FGFR2: variants seen among roughly 807,000 people sequenced by gnomAD.
FGFR2 encodes the protein BEK fibroblast growth factor receptor.
In FGFR2, 19 loss-of-function variants were observed where a neutral mutation model predicts 95.9. The ratio of observed to expected loss-of-function variants is 0.20; its 90% CI spans 0.14 to 0.29. The LOEUF (loss-of-function observed/expected upper bound fraction) is 0.29. Ranked by LOEUF, FGFR2 falls within the 10% of genes least tolerant of loss-of-function variation. The probability of loss-of-function intolerance (pLI) is 1.00; values close to 1 mark genes in which losing one functional copy is unlikely to be tolerated. For missense variants in FGFR2, 707 were observed against 1,056.9 expected, an observed-to-expected ratio of 0.67 and a Z score of 4.59; for synonymous variants, 392 against 393.3, an observed-to-expected ratio of 1.00 and a Z score of 0.04.
At chr10:121,572,140 C>T (rs1336859609) in intron 2 of FGFR2, among the ~76,000 whole-genome samples, 1 of 129,048 alleles carries the variant, frequency 7.7e-6, no homozygotes, top group Non-Finnish European at 1.6e-5. Context: ...ATAGTAAGAT[C>T]CTCTCTCCAC....
At chr10:121,516,148 T>C (rs2912761) in intron 8 of FGFR2, among the ~76,000 whole-genome samples, 136,739 of 152,150 alleles carry the variant, frequency 0.9, 63,245 homozygotes, top group East Asian at 1. Context: ...CGATGATCCA[T>C]CTACAAGCAG....
chr10:121,552,310 C>T lies in FGFR2; in HGVS notation c.455-851G>A, dbSNP rs1052780000. On this transcript the variant is annotated intron_variant, in intron 4 of 17. Transcript: ENST00000358487. ...TCAAGCCAGAATACCACTGTAAATT[C>T]TTCATGTCTGCTAATAATGGCGAAT... Among the ~76,000 whole-genome samples, 4 of 152,196 alleles carry T rather than the reference C, an allele frequency of 2.6e-5. No individual in the cohort carries two copies. The East Asian group carries it at 7.7e-4, about 29-fold the overall frequency.
At chr10:121,538,523 C>T in intron 6 of FGFR2, 69 bp downstream of exon 6, 1 of 1,609,238 alleles carries the variant, frequency 6.2e-7, no homozygotes, top group Non-Finnish European at 8.5e-7. Context: ...ACTTAACGTT[C>T]ATGCTTTCAA....
At chr10:121,507,722 C>T (rs186820303) in intron 9 of FGFR2, among the ~76,000 whole-genome samples, 51 of 152,324 alleles carry the variant, frequency 3.3e-4, no homozygotes, top group African/African-American at 1.2e-3. Context: ...CTGCTACCAA[C>T]ACTGCAATAT....
chr10:121,586,225 AC>A (rs1861813400), intron 2 of FGFR2, among the ~76,000 whole-genome samples: 1 of 152,244 alleles, frequency 6.6e-6, no homozygotes, highest in African/African-American at 2.4e-5. Context: ...GAGTTTATTA[AC>A]GTTAGAGCTC....
intron 9 of FGFR2, among the ~76,000 whole-genome samples, chr10:121,504,847 A>G (rs2114680): frequency 0.85 from 129,802 of 152,114 alleles, 57,597 homozygotes; most frequent in East Asian, 0.98. Context: ...AAAGACTCAC[A>G]CAGAGCACAC....
At chr10:121,482,031 G>A in intron 17 of FGFR2, 1 of 646,246 alleles carries the variant, frequency 1.5e-6, no homozygotes, top group Admixed American at 2.3e-5. Flanking sequence ...TAGAGACAGG[G>A]TTTCACCATG....
intron 5 of FGFR2, among the ~76,000 whole-genome samples, chr10:121,541,604 C>G (rs1036375513): frequency 2.0e-5 from 3 of 152,176 alleles, no homozygotes; most frequent in African/African-American, 7.2e-5. Flanking sequence ...AATGCACATA[C>G]ACCGTCTTTG....
intron 13 of FGFR2, among the ~76,000 whole-genome samples, chr10:121,490,150 CCTTCTTT>C (rs1452048777): frequency 7.5e-6 from 1 of 134,076 alleles, no homozygotes; most frequent in Non-Finnish European, 1.6e-5. Flanking sequence ...TACGACTTTT[CCTTCTTT>C]TTTTTTTTTT....
chr10:121,547,225 AAAAAAT>A (rs1220412540), intron 5 of FGFR2, among the ~76,000 whole-genome samples: 1 of 152,162 alleles, frequency 6.6e-6, no homozygotes, highest in African/African-American at 2.4e-5. Context: ...ACTCAGTCTC[AAAAAAT>A]AAAAATAAAA....
chr10:121,483,469 G>A (rs761507735), intron 17 of FGFR2, among the ~76,000 whole-genome samples: 6 of 152,302 alleles, frequency 3.9e-5, no homozygotes, highest in South Asian at 4.1e-4. Flanking sequence ...AGGCAGCCTC[G>A]GGGATGTCCC....
intron 2 of FGFR2, among the ~76,000 whole-genome samples, chr10:121,586,248 C>T (rs1417849243): frequency 1.3e-5 from 2 of 152,128 alleles, no homozygotes; most frequent in Non-Finnish European, 2.9e-5. Context: ...GAATTGAGTC[C>T]TCTCCAAGAA....
intron 2 of FGFR2, among the ~76,000 whole-genome samples, chr10:121,577,345 C>T (rs1860065890): frequency 6.6e-6 from 1 of 150,808 alleles, no homozygotes; most frequent in South Asian, 2.1e-4. Flanking sequence ...GGCACTTACA[C>T]ATCTGCCATC....
At chr10:121,581,691 G>T (rs1732870188) in intron 2 of FGFR2, among the ~76,000 whole-genome samples, 1 of 149,258 alleles carries the variant, frequency 6.7e-6, no homozygotes, top group African/African-American at 2.5e-5. Context: ...GGTCCAGGAT[G>T]CAATGAGCTG....
intron 2 of FGFR2, among the ~76,000 whole-genome samples, chr10:121,593,212 A>G (rs967469438): frequency 6.6e-6 from 1 of 152,172 alleles, no homozygotes; most frequent in African/African-American, 2.4e-5. Context: ...AAAAATTCTG[A>G]GATGTCAAGC....
At chr10:121,501,400 T>C (rs2134020269) in intron 10 of FGFR2, among the ~76,000 whole-genome samples, 1 of 152,338 alleles carries the variant, frequency 6.6e-6, no homozygotes, top group East Asian at 1.9e-4. Flanking sequence ...CTTGCCAAGT[T>C]ACAGGATATG....
At chr10:121,540,151 T>C (rs1853485626) in intron 5 of FGFR2, among the ~76,000 whole-genome samples, 2 of 152,220 alleles carry the variant, frequency 1.3e-5, no homozygotes, top group Admixed American at 1.3e-4. Flanking sequence ...AAGATAGTTC[T>C]GGTCAGCCAC....
chr10:121,511,733 C>T (rs1472887247), intron 9 of FGFR2, among the ~76,000 whole-genome samples: 2 of 152,250 alleles, frequency 1.3e-5, no homozygotes, highest in African/African-American at 4.8e-5. Context: ...CACCTGCCAT[C>T]TGCCTCCCAC....
intron 15 of FGFR2, among the ~76,000 whole-genome samples, chr10:121,486,454 T>C (rs780473135): frequency 1.6e-4 from 24 of 152,208 alleles, no homozygotes; most frequent in Non-Finnish European, 3.1e-4. Flanking sequence ...AGTGATTTTT[T>C]TTTCCCCAGA....
Sources: allele counts gnomAD v4.1 joint callset (sites outside exome capture counted in the v4.1 genomes callset), GRCh38; gene constraint gnomAD v4.1.1; transcripts MANE v1.5; gene names NCBI Gene and HGNC (gene_info 2026-07-23, HGNC 2026-07-21).